Variants in SLC38A1 observed in about 807,000 individuals in gnomAD.
SLC38A1 encodes solute carrier family 38 member 1.
Under a neutral mutation model 60.3 loss-of-function variants are expected in SLC38A1, and 18 were observed. The ratio of observed to expected loss-of-function variants is 0.30; its 90% CI spans 0.21 to 0.44. The LOEUF is 0.44. Ranked by LOEUF, SLC38A1 falls within the 20% of genes least tolerant of loss-of-function variation. The pLI is 1.00. For synonymous variants in SLC38A1, 196 were observed against 212.1 expected, an observed-to-expected ratio of 0.92 and a Z score of 0.66; for missense variants, 448 against 587.2, an observed-to-expected ratio of 0.76 and a Z score of 2.45.
chr12:46,248,679 T>G (rs1435963298), intron 1 of SLC38A1, among the ~76,000 whole-genome samples: 1 of 152,190 alleles, frequency 6.6e-6, no homozygotes, highest in Non-Finnish European at 1.5e-5. Context: ...ACCTAATAGA[T>G]ATCTACAGAA....
chr12:46,211,548 T>C (rs1042680049), intron 5 of SLC38A1, among the ~76,000 whole-genome samples: 5 of 152,258 alleles, frequency 3.3e-5, no homozygotes, highest in Non-Finnish European at 5.9e-5. Flanking sequence ...TTGCACATGG[T>C]TGTGTCTTAA....
chr12:46,205,901 T>C (rs1565758392), intron 9 of SLC38A1, among the ~76,000 whole-genome samples, 179 bp downstream of exon 9: 1 of 152,112 alleles, frequency 6.6e-6, no homozygotes, highest in East Asian at 1.9e-4. Context: ...GGAGGTCACA[T>C]ACTGACTGTT....
intron 4 of SLC38A1, 31 bp from the exon 5 acceptor site, chr12:46,229,299 C>G: frequency 7.0e-7 from 1 of 1,422,254 alleles, no homozygotes; most frequent in Non-Finnish European, 9.9e-7. Flanking sequence ...TGACACTAAG[C>G]AAAATAATCC....
intron 13 of SLC38A1, 129 bp downstream of exon 13, chr12:46,200,967 GAA>G (rs1939629766): frequency 1.5e-6 from 1 of 675,878 alleles, no homozygotes; most frequent in South Asian, 1.8e-5. Context: ...TTAAGTCGAA[GAA>G]AAAACTAGAA....
chr12:46,196,092 C>T, intron 16 of SLC38A1: 1 of 1,514,350 alleles, frequency 6.6e-7, no homozygotes, highest in Non-Finnish European at 8.9e-7. Flanking sequence ...TGGAAGCAAC[C>T]TCAGGTATTT....
intron 14 of SLC38A1, 130 bp downstream of exon 14, chr12:46,198,495 C>T: frequency 3.3e-6 from 2 of 611,544 alleles, no homozygotes; most frequent in South Asian, 4.8e-5. Context: ...GTCTTGGGAT[C>T]TTTCCCAGAT....
chr12:46,263,837 T>C (rs1050361920), intron 1 of SLC38A1, among the ~76,000 whole-genome samples: 1 of 152,200 alleles, frequency 6.6e-6, no homozygotes, highest in Admixed American at 6.5e-5. Context: ...TGTCAACAAA[T>C]GGTTGGTTTA....
At chr12:46,192,802 A>G (rs1005120445) in intron 16 of SLC38A1, among the ~76,000 whole-genome samples, 1 of 151,582 alleles carries the variant, frequency 6.6e-6, no homozygotes, top group African/African-American at 2.4e-5. Flanking sequence ...TTTTTATTGC[A>G]TCTATTTGAT....
In SLC38A1 at chr12:46,201,318, T is replaced by A. The variant is rs115275312; in HGVS notation, c.903-120A>T. 2.4e-3 allele frequency: 1,844 copies of A among 759,852 alleles called. 28 individuals carry two copies. The African/African-American group carries it at 0.029, about 12-fold the overall frequency. The allele number at this position is 759,852 out of a possible 1,614,324, so 47.1% of individuals were successfully genotyped here. On this transcript the variant is annotated intron_variant, in intron 12 of 16. Coordinates refer to ENST00000398637, the MANE Select transcript of SLC38A1 (RefSeq NM_030674.4). ...TCAGGTTAGGGAAGATCTGAACAGC[T>A]GAAATTACCCCTGGCAGTTATGCCA... is the stretch of plus-strand genomic sequence containing the variant.
intron 5 of SLC38A1, among the ~76,000 whole-genome samples, chr12:46,219,481 T>C (rs759511028): frequency 1.3e-5 from 2 of 152,224 alleles, no homozygotes; most frequent in Admixed American, 6.5e-5. Context: ...CGGGTGGCTT[T>C]GGTCTGCAGG....
At chr12:46,259,713 C>T (rs908831384) in intron 1 of SLC38A1, among the ~76,000 whole-genome samples, 1 of 152,104 alleles carries the variant, frequency 6.6e-6, no homozygotes, top group Non-Finnish European at 1.5e-5. Context: ...TCTCTTCTTG[C>T]CCAAGACTAA....
intron 5 of SLC38A1, among the ~76,000 whole-genome samples, chr12:46,220,313 A>T (rs1016517336): frequency 6.6e-6 from 1 of 151,982 alleles, no homozygotes; most frequent in African/African-American, 2.4e-5. Context: ...CAAACAACAG[A>T]CTCTGATGTC....
At chr12:46,264,828 A>G (rs201600389) in intron 1 of SLC38A1, among the ~76,000 whole-genome samples, 2 of 152,182 alleles carry the variant, frequency 1.3e-5, no homozygotes, top group African/African-American at 4.8e-5. Context: ...GCCTTTGCAT[A>G]CAAGATGTCT....
rs1398577364 is a variant in SLC38A1 at position 46,197,990 on chromosome 12, C to A, written c.1193G>T (p.Cys398Phe). 3 of 1,613,758 alleles carry A rather than the reference C, an allele frequency of 1.9e-6. No individual in the cohort carries two copies. Among genetic ancestry groups the A allele is most frequent in the Non-Finnish European group, 1.7e-6 (2 of 1,179,876 alleles). ...FNLCRHTVVT[C>F]ILLVVINLLV... ...CAAGTTGATAACAACCAAGAGTATG[C>A]AGGTAACCACGGTATGACGACATAA... The change falls in exon 15 of 17, where the codon TGC (cysteine) becomes TTC (phenylalanine). Residue 398 changes from cysteine to phenylalanine, a missense_variant. Physicochemically the swap from Cys to Phe is radical, Grantham distance 205. This residue lies in a region of SLC38A1 where 346 missense variants were observed against 497.5 expected (regional missense o/e 0.70). Coordinates refer to ENST00000398637, the MANE Select transcript of SLC38A1 (RefSeq NM_030674.4).
chr12:46,246,519 T>C (rs1357454203), intron 1 of SLC38A1, among the ~76,000 whole-genome samples: 5 of 152,254 alleles, frequency 3.3e-5, no homozygotes. Context: ...TCGAACTGGG[T>C]GGAGCCCACC....
chr12:46,208,862 A>G (rs867016054), intron 6 of SLC38A1, among the ~76,000 whole-genome samples, 192 bp downstream of exon 6: 4 of 152,212 alleles, frequency 2.6e-5, no homozygotes, highest in African/African-American at 2.4e-5. Context: ...GTCCATGACA[A>G]TTTAATTTAT....
At chr12:46,228,116 A>G (rs1940936356) in intron 5 of SLC38A1, among the ~76,000 whole-genome samples, 1 of 152,228 alleles carries the variant, frequency 6.6e-6, no homozygotes, top group Admixed American at 6.5e-5. Flanking sequence ...GGCTGACAAT[A>G]TGGAAGACAA....
intron 16 of SLC38A1, among the ~76,000 whole-genome samples, chr12:46,192,663 G>A (rs369773200): frequency 1.7e-4 from 26 of 152,256 alleles, no homozygotes; most frequent in African/African-American, 6.3e-4. Flanking sequence ...AGTCTTGGGA[G>A]GGTTTATGTG....
intron 1 of SLC38A1, among the ~76,000 whole-genome samples, chr12:46,248,983 C>T (rs372180516): frequency 1.7e-4 from 26 of 151,894 alleles, no homozygotes; most frequent in African/African-American, 5.3e-4. Flanking sequence ...ATTGAAACCC[C>T]GTCTCTACTA....
Sources: gnomAD v4.1 joint callset for allele counts (sites outside exome capture counted in the v4.1 genomes callset) on GRCh38, gnomAD v4.1.1 for gene constraint, gnomAD v4.1.1 regional missense constraint, MANE v1.5 for transcripts, NCBI Gene and HGNC (gene_info 2026-07-23, HGNC 2026-07-21) for gene names.